The following SYTL5 variants were observed in gnomAD, a reference collection of about 807,000 sequenced individuals.
SYTL5 encodes synaptotagmin-like protein 5.
Under a neutral mutation model 55.9 loss-of-function variants are expected in SYTL5, and 34 were observed. The ratio of observed to expected loss-of-function variants is 0.61; its 90% confidence interval spans 0.46 to 0.81. The LOEUF (loss-of-function observed/expected upper bound fraction) is 0.81. Ranked by LOEUF, SYTL5 falls within the 30% of genes least tolerant of loss-of-function variation. SYTL5 has a pLI of 0.00. For missense variants in SYTL5, 637 were observed against 546.7 expected (o/e 1.17, Z -1.65); for synonymous variants, 221 against 188.7 (o/e 1.17, Z -1.40).
At position 38,128,386 on chromosome X, in the gene SYTL5, A is replaced by G. The variant is rs1040994228; in HGVS notation, c.*1656A>G. 9.0e-6 allele frequency: 1 copy of G among 111,452 alleles called. No individual in the cohort carries two copies. The highest frequency in any genetic ancestry group is 1.9e-5 in the Non-Finnish European group (1 of 53,117). The allele number at this position is 111,452 out of a possible 1,213,427, so 9.2% of individuals were successfully genotyped here. ...GCAGAGTCTGATTACTTGAGCATGA[A>G]CATACCCGACCAAGGTATGTTCTGG... On this transcript the variant is annotated 3_prime_UTR_variant, in exon 17 of 17. Transcript: ENST00000297875.
the SYTL5 span, among the ~76,000 whole-genome samples, chrX:37,911,828 G>A: frequency 9.0e-6 from 1 of 111,467 alleles, no homozygotes; most frequent in Non-Finnish European, 1.9e-5. Flanking sequence ...ATACGTACAT[G>A]TATATTGTAT....
At chrX:38,099,353 G>T (rs1376628933) in intron 9 of SYTL5, among the ~76,000 whole-genome samples, 1 of 110,933 alleles carries the variant, frequency 9.0e-6, no homozygotes, top group Non-Finnish European at 1.9e-5. Flanking sequence ...GATGACTACT[G>T]GGTAATTGTA....
At chrX:38,037,699 T>C (rs1244534511) in intron 2 of SYTL5, among the ~76,000 whole-genome samples, 1 of 111,428 alleles carries the variant, frequency 9.0e-6, no homozygotes, top group Non-Finnish European at 1.9e-5. Flanking sequence ...CATTTTATTA[T>C]GAATTTAAGT....
the SYTL5 span, among the ~76,000 whole-genome samples, chrX:37,972,578 A>G: frequency 9.0e-6 from 1 of 111,500 alleles, no homozygotes; most frequent in Admixed American, 9.5e-5. Flanking sequence ...GTTGACGAAA[A>G]GAGTCAAACT....
chrX:37,976,791 T>C, the SYTL5 span, among the ~76,000 whole-genome samples: 2 of 52,012 alleles, frequency 3.8e-5, no homozygotes, highest in African/African-American at 1.6e-4. Flanking sequence ...CTGTCTCTAC[T>C]AAAAATACAA....
At chrX:38,030,358 C>G (rs185675595) in intron 1 of SYTL5, among the ~76,000 whole-genome samples, 47 of 112,120 alleles carry the variant, frequency 4.2e-4, no homozygotes, top group Non-Finnish European at 2.3e-4. Context: ...CCTGGAGTTT[C>G]ATGAGGAAAA....
At chrX:37,930,039 TAG>T in the SYTL5 span, among the ~76,000 whole-genome samples, 3 of 111,262 alleles carry the variant, frequency 2.7e-5, no homozygotes, top group African/African-American at 9.8e-5. Context: ...CTCAAAAAGA[TAG>T]AGAGTCTCTT....
Position 38,127,128 on chromosome X carries a change from A to C in SYTL5, c.*398A>C. ...GTAGATCACTTGAAAAGTCAGAAGAAAGGATACTGGCCAACTTTTACTCAC... is the reference window on the plus strand; with the variant it reads ...GTAGATCACTTGAAAAGTCAGAAGACAGGATACTGGCCAACTTTTACTCAC... On this transcript the variant is annotated 3_prime_UTR_variant, in exon 17 of 17. Coordinates refer to ENST00000297875, the MANE Select transcript of SYTL5 (RefSeq NM_138780.3). 8.3e-6 allele frequency: 1 copy of C among 120,763 alleles called. No individual in the cohort carries two copies. The highest frequency in any genetic ancestry group is 1.7e-5 in the Non-Finnish European group (1 of 58,575). The allele number at this position is 120,763 out of a possible 1,213,427, so 10.0% of individuals were successfully genotyped here.
At chrX:38,000,170 C>G in the SYTL5 span, among the ~76,000 whole-genome samples, 84 of 111,578 alleles carry the variant, frequency 7.5e-4, no homozygotes, top group Middle Eastern at 4.6e-3. Context: ...TTTTATAATG[C>G]AGGTCCTTAG....
the SYTL5 span, among the ~76,000 whole-genome samples, chrX:37,926,076 A>G: frequency 1.8e-5 from 2 of 111,609 alleles, no homozygotes; most frequent in Non-Finnish European, 3.8e-5. Flanking sequence ...ATACCTGTGC[A>G]TGTATCTTTT....
At chrX:38,068,128 A>G (rs1936150502) in intron 3 of SYTL5, among the ~76,000 whole-genome samples, 1 of 111,993 alleles carries the variant, frequency 8.9e-6, no homozygotes. Context: ...ACATGAACAG[A>G]CCCATCTCAA....
the SYTL5 span, among the ~76,000 whole-genome samples, chrX:37,929,536 C>T: frequency 1.2e-4 from 14 of 112,010 alleles, no homozygotes; most frequent in Admixed American, 2.9e-4. Flanking sequence ...TTATGCTTTG[C>T]ATCAACTATT....
At chrX:37,952,719 G>A in the SYTL5 span, among the ~76,000 whole-genome samples, 1 of 111,015 alleles carries the variant, frequency 9.0e-6, no homozygotes, top group Non-Finnish European at 1.9e-5. Flanking sequence ...AGGTTAAGAG[G>A]CTATTTCAAA....
At chrX:37,896,343 T>A in the SYTL5 span, among the ~76,000 whole-genome samples, 1 of 111,716 alleles carries the variant, frequency 9.0e-6, no homozygotes, top group East Asian at 2.8e-4. Context: ...CTTGCAAATA[T>A]GGCCACAAAT....
the SYTL5 span, chrX:37,906,020 C>T: frequency 8.8e-6 from 1 of 113,302 alleles, no homozygotes; most frequent in Non-Finnish European, 1.9e-5. Flanking sequence ...CACTCTGCTC[C>T]CCTGGGTTAG....
chrX:37,999,222 C>T, the SYTL5 span, among the ~76,000 whole-genome samples: 2 of 112,442 alleles, frequency 1.8e-5, no homozygotes, highest in Admixed American at 9.4e-5. Flanking sequence ...ACTTTGTAGC[C>T]GTACACTGTT....
intron 13 of SYTL5, among the ~76,000 whole-genome samples, chrX:38,117,648 G>A (rs1569193113): frequency 8.9e-6 from 1 of 111,931 alleles, no homozygotes; most frequent in African/African-American, 3.2e-5. Context: ...CAGCCAGATG[G>A]TTGACTGAGG....
At chrX:37,976,359 T>C in the SYTL5 span, among the ~76,000 whole-genome samples, 1 of 111,938 alleles carries the variant, frequency 8.9e-6, no homozygotes, top group Non-Finnish European at 1.9e-5. Flanking sequence ...AAATTTGTTT[T>C]CATGGGAGGG....
intron 1 of SYTL5, among the ~76,000 whole-genome samples, chrX:38,024,276 T>C (rs1934674565): frequency 9.1e-6 from 1 of 109,994 alleles, no homozygotes; most frequent in African/African-American, 3.3e-5. Flanking sequence ...TCACGAGATA[T>C]GATGGTTTAA....
Sources: gnomAD v4.1 joint callset for allele counts (sites outside exome capture counted in the v4.1 genomes callset) on GRCh38, gnomAD v4.1.1 for gene constraint, MANE v1.5 for transcripts, NCBI Gene and HGNC (gene_info 2026-07-23, HGNC 2026-07-21) for gene names.